PCDHA3: variants seen among roughly 807,000 people sequenced by gnomAD.
PCDHA3 encodes the protein protocadherin alpha-3.
A neutral mutation model predicts 62.2 loss-of-function variants in PCDHA3; 41 were observed. The observed-to-expected ratio is 0.66, with a 90% CI of 0.51 to 0.86. PCDHA3 has a LOEUF of 0.86. Among genes scored for constraint, PCDHA3 ranks in the 40% least tolerant of loss-of-function variants. PCDHA3 has a pLI of 0.00. For missense variants in PCDHA3, 1,304 were observed against 1,241.2 expected, an observed-to-expected ratio of 1.05 and a Z score of -0.76; for synonymous variants, 640 against 555.4, an observed-to-expected ratio of 1.15 and a Z score of -2.14.
intron 1 of PCDHA3, chr5:140,855,849 C>T: frequency 7.5e-6 from 5 of 665,166 alleles, no homozygotes; most frequent in Non-Finnish European, 1.2e-5. Flanking sequence ...CCTAAAGCCA[C>T]CGGATGTCGC....
intron 1 of PCDHA3, chr5:140,804,597 T>C (rs1446691553): frequency 6.6e-6 from 1 of 152,448 alleles, no homozygotes; most frequent in African/African-American, 2.4e-5. Flanking sequence ...GATAAGCCAA[T>C]GTTATAATGT....
chr5:140,974,255 C>T (rs1049283311), intron 1 of PCDHA3, among the ~76,000 whole-genome samples: 1 of 152,186 alleles, frequency 6.6e-6, no homozygotes, highest in African/African-American at 2.4e-5. Flanking sequence ...CCATCAGTTC[C>T]TTTCTGGCCT....
At chr5:140,923,839 A>G (rs2081544977) in intron 1 of PCDHA3, among the ~76,000 whole-genome samples, 1 of 152,236 alleles carries the variant, frequency 6.6e-6, no homozygotes, top group Non-Finnish European at 1.5e-5. Flanking sequence ...CAGTTTAAAT[A>G]GAGAAATGGG....
intron 1 of PCDHA3, among the ~76,000 whole-genome samples, chr5:140,887,915 C>T (rs566586212): frequency 6.6e-6 from 1 of 152,290 alleles, no homozygotes; most frequent in Non-Finnish European, 1.5e-5. Flanking sequence ...GTGTATTCTT[C>T]ATTTCAGAGA....
At position 140,830,486 on chromosome 5, in the gene PCDHA3, G is replaced by A. The variant is rs2150187168; in HGVS notation, c.2394+26895G>A. On this transcript the variant is annotated intron_variant, in intron 1 of 3. Transcript: ENST00000522353. The stretch of plus-strand genomic sequence containing the variant: ...TTTAAATGAAGATCATGATGCCAAA[G>A]TAAGTGAATTTTCATAATTAACAGT... 3 of 1,500,990 alleles carry A rather than the reference G, an allele frequency of 2.0e-6. No homozygotes were observed. In the East Asian group the frequency reaches 7.1e-5, roughly 36 times the overall value. The allele number at this position is 1,500,990 out of a possible 1,614,324, so 93.0% of individuals were successfully genotyped here.
At position 140,803,156 on chromosome 5, in the gene PCDHA3, C is replaced by A. The variant is rs1763130991; in HGVS notation, c.1959C>A (p.Asp653Glu). The change falls in exon 1 of 4, where the codon GAC (aspartate) becomes GAA (glutamate). Residue 653 changes from aspartate to glutamate, a missense_variant. Transcript: ENST00000522353. ...PRHRLLVLVK[D>E]HGEPSLTATA... ...ATCGCCTACTGGTGCTGGTGAAGGA[C>A]CACGGTGAACCCTCATTGACCGCCA... The A allele has an allele frequency of 6.2e-7, 1 of 1,613,768 alleles. No individual in the cohort carries two copies. The highest frequency in any genetic ancestry group is 8.5e-7 in the Non-Finnish European group (1 of 1,179,948).
chr5:140,905,750 C>T (rs1349523564), intron 1 of PCDHA3, among the ~76,000 whole-genome samples: 1 of 152,102 alleles, frequency 6.6e-6, no homozygotes, highest in Non-Finnish European at 1.5e-5. Flanking sequence ...GATCTTTCAC[C>T]TCCTTGGTTA....
intron 1 of PCDHA3, among the ~76,000 whole-genome samples, chr5:140,888,739 GA>G (rs782625301): frequency 6.6e-6 from 1 of 151,978 alleles, no homozygotes; most frequent in Non-Finnish European, 1.5e-5. Flanking sequence ...TGAGCTCTAG[GA>G]ATTATTCTAC....
At chr5:141,003,245 A>T (rs1554258962) in intron 3 of PCDHA3, among the ~76,000 whole-genome samples, 1 of 152,216 alleles carries the variant, frequency 6.6e-6, no homozygotes, top group African/African-American at 2.4e-5. Context: ...TTTGCCAAAA[A>T]GATTCCTGGG....
rs2150241896 is a variant in PCDHA3 at position 140,835,685 on chromosome 5, T to A, written c.2394+32094T>A. ...CCGCGCGGGACGGGGGCTCGCCTTC[T>A]CTGTGGGCCACTGCTAGCGTGTCCG... On this transcript the variant is annotated intron_variant, in intron 1 of 3. Transcript: ENST00000522353. 6.8e-6 allele frequency: 11 copies of A among 1,613,764 alleles called. No individual in the cohort carries two copies. The East Asian group carries it at 1.8e-4, about 26-fold the overall frequency.
In PCDHA3 at chr5:141,010,449, C is replaced by G. The variant is rs764975082; in HGVS notation, c.*512C>G. 1.1e-6 allele frequency: 1 copy of G among 915,348 alleles called. No homozygotes were observed. Among genetic ancestry groups the G allele is most frequent in the East Asian group, 2.7e-5 (1 of 36,418 alleles). 56.7% of individuals were successfully genotyped at this position (915,348 alleles called of 1,614,324 possible). ...CAAGAAAACAAAGACAAATAAACAGCGGAAGTTATCAGTATGGAGGGGAAG... is the reference window on the plus strand; with the variant it reads ...CAAGAAAACAAAGACAAATAAACAGGGGAAGTTATCAGTATGGAGGGGAAG... On this transcript the variant is annotated 3_prime_UTR_variant, in exon 4 of 4. Transcript: ENST00000522353.
Position 140,836,049 on chromosome 5 carries a change from C to T in PCDHA3, c.2394+32458C>T, listed in dbSNP as rs1223853934. ...CAACGTGACGCTGCAGGTGTTCGTG[C>T]TGGACGAGAACGACAACGCGCCGGC... On this transcript the variant is annotated intron_variant, in intron 1 of 3. Transcript: ENST00000522353. 4 of 1,613,294 alleles carry T rather than the reference C, an allele frequency of 2.5e-6. No homozygotes were observed. The South Asian group carries it at 3.3e-5, about 13-fold the overall frequency.
intron 1 of PCDHA3, chr5:140,828,354 C>A (rs1554131244): frequency 2.5e-6 from 4 of 1,614,264 alleles, no homozygotes; most frequent in East Asian, 4.5e-5. Flanking sequence ...TTTGTGAATT[C>A]TCGGATCGAC....
chr5:140,837,119 A>G (rs1472811224), intron 1 of PCDHA3: 1 of 156,890 alleles, frequency 6.4e-6, no homozygotes, highest in Non-Finnish European at 1.4e-5. Flanking sequence ...ATGTTACCTA[A>G]TATTTTATTC....
At chr5:140,941,750 T>C (rs528792646) in intron 1 of PCDHA3, among the ~76,000 whole-genome samples, 2 of 152,384 alleles carry the variant, frequency 1.3e-5, no homozygotes, top group Admixed American at 6.5e-5. Flanking sequence ...TATCAGATTT[T>C]CAGTGCTTTT....
At chr5:140,820,790 A>G (rs1554127920) in intron 1 of PCDHA3, among the ~76,000 whole-genome samples, 1 of 152,128 alleles carries the variant, frequency 6.6e-6, no homozygotes, top group African/African-American at 2.4e-5. Context: ...ATGTAAGTAC[A>G]AAGGTATGTA....
chr5:140,877,091 C>A, intron 1 of PCDHA3: 1 of 1,613,252 alleles, frequency 6.2e-7, no homozygotes. Flanking sequence ...GCGCGCGACG[C>A]CGGCGTGCCG....
intron 1 of PCDHA3, among the ~76,000 whole-genome samples, chr5:140,972,103 CA>C (rs1388508761): frequency 2.0e-5 from 3 of 152,104 alleles, no homozygotes; most frequent in Non-Finnish European, 4.4e-5. Context: ...GGCATAGAAG[CA>C]GGTAACAAAT....
At chr5:140,851,158 C>A in intron 1 of PCDHA3, 1 of 1,299,046 alleles carries the variant, frequency 7.7e-7, no homozygotes, top group Non-Finnish European at 9.9e-7. Flanking sequence ...ATTTCTGATG[C>A]TATGCTGCCA....
Sources: gnomAD v4.1 joint callset for allele counts (sites outside exome capture counted in the v4.1 genomes callset) on GRCh38, gnomAD v4.1.1 for gene constraint, MANE v1.5 for transcripts, NCBI Gene and HGNC (gene_info 2026-07-23, HGNC 2026-07-21) for gene names.